TOGARAM1: variants seen among roughly 807,000 people sequenced by gnomAD.
The protein encoded by TOGARAM1 is TOG array regulator of axonemal microtubules 1.
A neutral mutation model predicts 166.6 loss-of-function variants in TOGARAM1; 100 were observed. The ratio of observed to expected loss-of-function variants is 0.60; its 90% CI spans 0.51 to 0.71. The LOEUF (loss-of-function observed/expected upper bound fraction) is 0.71. Ranked by LOEUF, TOGARAM1 falls within the 30% of genes least tolerant of loss-of-function variation. The pLI is 0.00. For missense variants in TOGARAM1, 2,029 were observed against 2,102.7 expected, an observed-to-expected ratio of 0.96 and a Z score of 0.69; for synonymous variants, 758 against 763.8, an observed-to-expected ratio of 0.99 and a Z score of 0.13.
Position 45,006,002 on chromosome 14 carries a change from A to T in TOGARAM1, c.2645-6A>T. On this transcript the variant is annotated splice_region_variant and splice_polypyrimidine_tract_variant and intron_variant, in intron 4 of 19. Coordinates refer to ENST00000361462, the MANE Select transcript of TOGARAM1 (RefSeq NM_001308120.2). ...AGAAAAAGTAAAATATCTATTTTTC[A>T]TGCAGGAGAAAATTCTCAAGAAAAA... The T allele has an allele frequency of 6.5e-7, 1 of 1,534,348 alleles. No individual in the cohort carries two copies. The highest frequency in any genetic ancestry group is 8.8e-7 in the Non-Finnish European group (1 of 1,140,670).
intron 16 of TOGARAM1, among the ~76,000 whole-genome samples, chr14:45,064,691 G>C (rs1024094148): frequency 6.6e-6 from 1 of 152,096 alleles, no homozygotes; most frequent in Admixed American, 6.5e-5. Flanking sequence ...TTGTTGCCCA[G>C]GTTGGAGTCT....
chr14:44,976,238 C>T (rs781205128), intron 1 of TOGARAM1, among the ~76,000 whole-genome samples: 5 of 152,174 alleles, frequency 3.3e-5, no homozygotes, highest in African/African-American at 7.2e-5. Context: ...TTGCCCTATC[C>T]TTATTCGTTG....
intron 11 of TOGARAM1, 53 bp from the exon 12 acceptor site, chr14:45,043,633 G>A (rs1186571841): frequency 5.2e-6 from 5 of 963,782 alleles, no homozygotes; most frequent in Non-Finnish European, 8.5e-6. Flanking sequence ...TTGTGATCCT[G>A]TTCCAGTTGA....
Position 44,962,349 on chromosome 14 carries a change from G to T in TOGARAM1, c.-73G>T. 1 of 1,473,782 alleles carries T rather than the reference G, an allele frequency of 6.8e-7. No individual in the cohort carries two copies. The highest frequency in any genetic ancestry group is 9.0e-7 in the Non-Finnish European group (1 of 1,116,022). The allele number at this position is 1,473,782 out of a possible 1,614,324, so 91.3% of individuals were successfully genotyped here. ...CAGCTTGGGGCTTGGAGAGGATCTG[G>T]AAGTCTGGGCTCCATCGAGCCCTTT... On this transcript the variant is annotated 5_prime_UTR_variant, in exon 1 of 20. Transcript: ENST00000361462.
intron 18 of TOGARAM1, among the ~76,000 whole-genome samples, chr14:45,071,221 C>G (rs1375612943): frequency 1.3e-5 from 2 of 151,130 alleles, no homozygotes; most frequent in African/African-American, 4.9e-5. Flanking sequence ...CACCCGGCTG[C>G]TTTTTCTGTT....
intron 1 of TOGARAM1, among the ~76,000 whole-genome samples, chr14:44,973,408 T>C (rs1295831482): frequency 6.6e-6 from 1 of 152,132 alleles, no homozygotes; most frequent in African/African-American, 2.4e-5. Flanking sequence ...GTCACCTGTT[T>C]AATGCTGTCA....
chr14:45,004,842 AT>A (rs1366376256), intron 4 of TOGARAM1, among the ~76,000 whole-genome samples: 1 of 152,220 alleles, frequency 6.6e-6, no homozygotes, highest in Non-Finnish European at 1.5e-5. Context: ...ATAAAATGTC[AT>A]TCATATGCTT....
At chr14:45,059,937 G>C (rs1163151592) in intron 16 of TOGARAM1, among the ~76,000 whole-genome samples, 2 of 148,976 alleles carry the variant, frequency 1.3e-5, no homozygotes, top group African/African-American at 5.0e-5. Flanking sequence ...TTTTGAGATG[G>C]AGTCTCGCTC....
At chr14:45,038,948 G>A (rs142179757) in intron 11 of TOGARAM1, among the ~76,000 whole-genome samples, 6 of 152,156 alleles carry the variant, frequency 3.9e-5, no homozygotes, top group African/African-American at 1.4e-4. Context: ...CACGCAAGTT[G>A]TCCTGACATC....
intron 1 of TOGARAM1, among the ~76,000 whole-genome samples, chr14:44,973,546 T>A (rs1176514013): frequency 6.6e-6 from 1 of 151,678 alleles, no homozygotes; most frequent in Non-Finnish European, 1.5e-5. Flanking sequence ...AAGTTTTTTT[T>A]TTAACCTTTA....
At chr14:44,998,512 C>T (rs1050624254) in intron 2 of TOGARAM1, among the ~76,000 whole-genome samples, 3 of 152,142 alleles carry the variant, frequency 2.0e-5, no homozygotes, top group Admixed American at 6.5e-5. Context: ...ATCAGGAGTT[C>T]GAGACCAGCC....
At chr14:45,050,873 C>T (rs1171632883) in intron 14 of TOGARAM1, among the ~76,000 whole-genome samples, 1 of 151,412 alleles carries the variant, frequency 6.6e-6, no homozygotes, top group African/African-American at 2.4e-5. Flanking sequence ...CCTTGGCCTC[C>T]CAAAGTGCTG....
chr14:45,065,239 A>G (rs994822936), intron 16 of TOGARAM1, among the ~76,000 whole-genome samples: 3 of 152,126 alleles, frequency 2.0e-5, no homozygotes, highest in African/African-American at 7.2e-5. Flanking sequence ...AGATTGACCA[A>G]CCAACCTACC....
rs1056757352 is a variant in TOGARAM1, at chr14:44,971,001, T to C, written c.2046+6534T>C. Among the ~76,000 whole-genome samples, 7 of 152,258 alleles carry C rather than the reference T, an allele frequency of 4.6e-5. 1 individual carries two copies. Among genetic ancestry groups the C allele is most frequent in the African/African-American group, 1.7e-4 (7 of 41,548 alleles). On this transcript the variant is annotated intron_variant, in intron 1 of 19. Transcript: ENST00000361462. ...GTGATATTGGTCTGTGGGGTTTTTG[T>C]TTTGTTTTGTTTTTGTTTTTTTTCT...
intron 2 of TOGARAM1, 127 bp from the exon 3 acceptor site, chr14:44,999,236 A>T (rs1887575378): frequency 1.2e-6 from 1 of 859,104 alleles, no homozygotes; most frequent in Non-Finnish European, 1.7e-6. Flanking sequence ...TTGCCTGCCT[A>T]CCTCACTGTA....
intron 18 of TOGARAM1, among the ~76,000 whole-genome samples, chr14:45,069,000 G>A (rs1036844987): frequency 6.6e-6 from 1 of 151,990 alleles, no homozygotes; most frequent in Non-Finnish European, 1.5e-5. Flanking sequence ...AAAATGGATC[G>A]TAGAGTTAAA....
chr14:45,032,511 C>CT, intron 11 of TOGARAM1, 135 bp downstream of exon 11: 2 of 877,902 alleles, frequency 2.3e-6, no homozygotes, highest in Non-Finnish European at 1.7e-6. Context: ...GCATCAGAGT[C>CT]TTTTCAGCTC....
At chr14:45,052,275 A>G (rs1384853492) in intron 14 of TOGARAM1, among the ~76,000 whole-genome samples, 161 bp from the exon 15 acceptor site, 1 of 152,196 alleles carries the variant, frequency 6.6e-6, no homozygotes, top group Non-Finnish European at 1.5e-5. Flanking sequence ...AGGGTATCCT[A>G]TACAGTTAGG....
intron 1 of TOGARAM1, among the ~76,000 whole-genome samples, chr14:44,989,541 T>C (rs1566612930): frequency 1.3e-5 from 2 of 149,184 alleles, no homozygotes; most frequent in African/African-American, 2.5e-5. Flanking sequence ...GCAGCCTATA[T>C]CAGTACATTA....
Sources: gnomAD v4.1 joint callset for allele counts (sites outside exome capture counted in the v4.1 genomes callset) on GRCh38, gnomAD v4.1.1 for gene constraint, MANE v1.5 for transcripts, NCBI Gene and HGNC (gene_info 2026-07-23, HGNC 2026-07-21) for gene names.